Variants in LARGE1 observed in about 807,000 individuals in gnomAD.
LARGE1 encodes xylosyl- and glucuronyltransferase LARGE1.
In LARGE1, 43 loss-of-function variants were observed where a neutral mutation model predicts 87.6. The observed-to-expected ratio is 0.49, with a 90% CI of 0.38 to 0.63. LARGE1 has a LOEUF of 0.63. Ranked by LOEUF, LARGE1 falls within the 30% of genes least tolerant of loss-of-function variation. LARGE1 has a pLI of 0.00. For missense variants in LARGE1, 802 were observed against 1,000.2 expected (o/e 0.80, Z 2.67); for synonymous variants, 434 against 394.6 (o/e 1.10, Z -1.18).
intron 1 of LARGE1, among the ~76,000 whole-genome samples, chr22:33,833,015 C>T (rs956002531): frequency 6.6e-6 from 1 of 152,026 alleles, no homozygotes; most frequent in Admixed American, 6.5e-5. Flanking sequence ...GGCACCTGTG[C>T]CTTCATCCTT....
At chr22:33,292,371 ACAGT>A (rs1220743678) in intron 12 of LARGE1, among the ~76,000 whole-genome samples, 1 of 152,184 alleles carries the variant, frequency 6.6e-6, no homozygotes, top group Admixed American at 6.5e-5. Context: ...AGGAGAGAGC[ACAGT>A]CAAATTTAAA....
At chr22:33,572,679 A>G (rs1216454195) in intron 5 of LARGE1, among the ~76,000 whole-genome samples, 1 of 152,016 alleles carries the variant, frequency 6.6e-6, no homozygotes, top group Non-Finnish European at 1.5e-5. Flanking sequence ...GTTCAAGACC[A>G]GCCAACATGG....
chr22:33,398,456 C>T (rs1415670131), intron 7 of LARGE1, among the ~76,000 whole-genome samples: 1 of 152,190 alleles, frequency 6.6e-6, no homozygotes, highest in Non-Finnish European at 1.5e-5. Flanking sequence ...AAGCTCATCT[C>T]AGCTTTCCTT....
chr22:33,281,090 A>G (rs1334041902), intron 13 of LARGE1, among the ~76,000 whole-genome samples: 1 of 152,148 alleles, frequency 6.6e-6, no homozygotes, highest in African/African-American at 2.4e-5. Context: ...GCAGGTGACA[A>G]TAGCAATTTC....
At chr22:33,658,832 C>T (rs969250303) in intron 2 of LARGE1, among the ~76,000 whole-genome samples, 12 of 152,196 alleles carry the variant, frequency 7.9e-5, no homozygotes, top group Admixed American at 6.5e-4. Flanking sequence ...CCATGGGATT[C>T]TCATGTGTAA....
chr22:33,799,839 G>A (rs376424650), intron 1 of LARGE1, among the ~76,000 whole-genome samples: 34 of 152,284 alleles, frequency 2.2e-4, no homozygotes, highest in African/African-American at 7.9e-4. Context: ...AGTTGGTTCA[G>A]GGGAGAATGA....
chr22:33,822,115 G>A (rs1328604049), intron 1 of LARGE1, among the ~76,000 whole-genome samples: 1 of 152,086 alleles, frequency 6.6e-6, no homozygotes, highest in Non-Finnish European at 1.5e-5. Context: ...CCTGATGCCT[G>A]GTATAGGCAC....
intron 2 of LARGE1, among the ~76,000 whole-genome samples, chr22:33,656,319 G>A (rs114982015): frequency 0.016 from 2,385 of 152,168 alleles, 65 homozygotes; most frequent in African/African-American, 0.054. Context: ...AGAGTGAAGC[G>A]AAAGGGGTTT....
In LARGE1 at chr22:33,761,429, C is replaced by G; in HGVS notation, c.48G>C (p.Leu16Phe). The G allele has an allele frequency of 6.2e-7, 1 of 1,614,060 alleles. No homozygotes were observed. The highest frequency in any genetic ancestry group is 1.3e-5 in the African/African-American group (1 of 75,012). ...TGATGGCTGGGATGCAGAGAAGACT[C>G]AACGAGGCAGCCAAGAATTTCCGTC... is the stretch of plus-strand genomic sequence containing the variant. Reference protein sequence around the residue: ...RGRRKFLAASLSLLCIPAITW... With the variant: ...RGRRKFLAASFSLLCIPAITW... The change falls in exon 2 of 15, where the codon TTG becomes TTC. Residue 16 changes from leucine (L) to phenylalanine (F), a missense_variant. Around this residue, in one of 2 missense-constraint regions of LARGE1, gnomAD observed 177 missense variants for 158.3 expected, o/e 1.12. Coordinates refer to ENST00000397394, the MANE Select transcript of LARGE1 (RefSeq NM_133642.5).
chr22:33,387,525 T>TGGGGG (rs57007465), intron 7 of LARGE1, among the ~76,000 whole-genome samples: 4 of 110,466 alleles, frequency 3.6e-5, no homozygotes, highest in Non-Finnish European at 5.7e-5. Flanking sequence ...TATTAAAAAA[T>TGGGGG]GGGGGGGGGG....
chr22:33,683,704 A>C (rs992664455), intron 2 of LARGE1, among the ~76,000 whole-genome samples: 1 of 151,852 alleles, frequency 6.6e-6, no homozygotes, highest in Non-Finnish European at 1.5e-5. Flanking sequence ...GAGGAATAGA[A>C]TGGTTAGGCA....
intron 7 of LARGE1, among the ~76,000 whole-genome samples, chr22:33,421,834 G>T (rs1392542584): frequency 1.3e-5 from 2 of 152,202 alleles, no homozygotes; most frequent in Non-Finnish European, 2.9e-5. Flanking sequence ...TTAGATTTCT[G>T]GGGGTAAGCA....
At chr22:33,469,316 T>C (rs5754568) in intron 6 of LARGE1, among the ~76,000 whole-genome samples, 32,901 of 151,838 alleles carry the variant, frequency 0.22, 3,700 homozygotes, top group Middle Eastern at 0.29. Context: ...AAAAAGAAAA[T>C]ATTGTACATA....
At chr22:33,118,957 C>T in the LARGE1 span, among the ~76,000 whole-genome samples, 1 of 152,270 alleles carries the variant, frequency 6.6e-6, no homozygotes, top group South Asian at 2.1e-4. Flanking sequence ...TGTGGGTGAA[C>T]AATCTATGTG....
intron 6 of LARGE1, among the ~76,000 whole-genome samples, chr22:33,435,306 C>T (rs73407327): frequency 0.016 from 2,497 of 152,160 alleles, 60 homozygotes; most frequent in African/African-American, 0.056. Context: ...CTGGCTCCTA[C>T]GGGTATTTTG....
At chr22:33,681,108 T>TATACTAGCAA (rs2081756394) in intron 2 of LARGE1, among the ~76,000 whole-genome samples, 1 of 152,254 alleles carries the variant, frequency 6.6e-6, no homozygotes, top group Admixed American at 6.5e-5. Flanking sequence ...ACACACTTTA[T>TATACTAGCAA]TATTTATATT....
intron 2 of LARGE1, among the ~76,000 whole-genome samples, chr22:33,661,863 G>A (rs1170106894): frequency 6.6e-6 from 1 of 152,082 alleles, no homozygotes; most frequent in Admixed American, 6.5e-5. Flanking sequence ...GGGACTACCA[G>A]ATAACCCACT....
rs28538239 is a variant in LARGE1, at chr22:33,876,844, A to G, written c.-83+43151T>C. Among the ~76,000 whole-genome samples, 1,080 of 151,852 alleles carry G rather than the reference A, an allele frequency of 7.1e-3. 12 individuals are homozygous for G. The highest frequency in any genetic ancestry group is 0.024 in the African/African-American group (1,000 of 41,362). On this transcript the variant is annotated intron_variant, in intron 1 of 14. Coordinates refer to ENST00000397394, the MANE Select transcript of LARGE1 (RefSeq NM_133642.5). ...ATAAAAAAATAAATAAATAAAATAT[A>G]AAATAAAAATGTACTGGAAAAAAAA...
At chr22:33,880,359 C>G (rs1314774891) in intron 1 of LARGE1, among the ~76,000 whole-genome samples, 2 of 152,208 alleles carry the variant, frequency 1.3e-5, no homozygotes, top group Admixed American at 6.5e-5. Flanking sequence ...ATGATAGACT[C>G]TCTCATTTGA....
Sources: gnomAD v4.1 joint callset for allele counts (sites outside exome capture counted in the v4.1 genomes callset) on GRCh38, gnomAD v4.1.1 for gene constraint, gnomAD v4.1.1 regional missense constraint, MANE v1.5 for transcripts, NCBI Gene and HGNC (gene_info 2026-07-23, HGNC 2026-07-21) for gene names.